The following TNPO3 variants were observed in gnomAD, a reference collection of about 807,000 sequenced individuals.
TNPO3 encodes the protein transportin 3, also known as transportin-3.
In TNPO3, 65 loss-of-function variants were observed where a neutral mutation model predicts 122.8. The observed-to-expected ratio is 0.53, with a 90% confidence interval of 0.43 to 0.65. The LOEUF is 0.65. Ranked by LOEUF, TNPO3 falls within the 30% of genes least tolerant of loss-of-function variation. The pLI is 0.00. For synonymous variants in TNPO3, 372 were observed against 411.2 expected, an observed-to-expected ratio of 0.90 and a Z score of 1.15; for missense variants, 850 against 1,136.7, an observed-to-expected ratio of 0.75 and a Z score of 3.63.
rs371706421 is a variant in TNPO3 at position 129,037,626 on chromosome 7, T to G, written c.120+17025A>C. Among the ~76,000 whole-genome samples, 5 of 152,194 alleles carry G rather than the reference T, an allele frequency of 3.3e-5. No homozygotes were observed. In the East Asian group the frequency reaches 9.6e-4, roughly 29 times the overall value. ...ACCACCTCCTTTGGTGGTGCAGTCC[T>G]GGAGGAGGGGAAGAGCCTCTGTTGC... On this transcript the variant is annotated intron_variant, in intron 1 of 22. Transcript: ENST00000265388.
chr7:129,028,353 A>C (rs1369843349), intron 1 of TNPO3, among the ~76,000 whole-genome samples: 2 of 152,200 alleles, frequency 1.3e-5, no homozygotes, highest in East Asian at 3.8e-4. Context: ...AATGCAGCAA[A>C]AACTGTGCTA....
intron 16 of TNPO3, among the ~76,000 whole-genome samples, chr7:128,977,178 G>A (rs1025401263): frequency 2.0e-5 from 3 of 152,050 alleles, no homozygotes; most frequent in African/African-American, 4.8e-5. Flanking sequence ...CACATGTACT[G>A]ACTCTAGAAC....
chr7:129,011,606 T>G (rs1272655735), intron 4 of TNPO3, among the ~76,000 whole-genome samples: 1 of 151,858 alleles, frequency 6.6e-6, no homozygotes, highest in African/African-American at 2.4e-5. Context: ...CCTCCCAAAG[T>G]GCTGGGATTA....
At chr7:129,014,487 C>T (rs1291405030) in intron 4 of TNPO3, among the ~76,000 whole-genome samples, 1 of 152,082 alleles carries the variant, frequency 6.6e-6, no homozygotes, top group Non-Finnish European at 1.5e-5. Flanking sequence ...CATGCCACTG[C>T]ACTACAGCCT....
At chr7:129,030,763 A>G (rs1345855068) in intron 1 of TNPO3, among the ~76,000 whole-genome samples, 2 of 152,162 alleles carry the variant, frequency 1.3e-5, no homozygotes, top group African/African-American at 2.4e-5. Flanking sequence ...TAGGTCACAC[A>G]TTATATATGT....
At chr7:129,031,322 G>T (rs1049367557) in intron 1 of TNPO3, among the ~76,000 whole-genome samples, 1 of 151,234 alleles carries the variant, frequency 6.6e-6, no homozygotes, top group Non-Finnish European at 1.5e-5. Flanking sequence ...AAGAAAGAAA[G>T]AAATAAGAGG....
intron 18 of TNPO3, among the ~76,000 whole-genome samples, chr7:128,974,254 A>T (rs1311100642): frequency 6.6e-6 from 1 of 151,132 alleles, no homozygotes; most frequent in African/African-American, 2.4e-5. Context: ...ATGATATAAC[A>T]GTTGGGCTTT....
chr7:128,964,333 C>CTTTTT (rs35667373), intron 21 of TNPO3, among the ~76,000 whole-genome samples: 11 of 120,662 alleles, frequency 9.1e-5, no homozygotes, highest in East Asian at 2.4e-4. Context: ...CCAAAACAAT[C>CTTTTT]TTTTTTTTTT....
At chr7:128,969,590 T>C (rs1798257101) in intron 20 of TNPO3, among the ~76,000 whole-genome samples, 1 of 152,218 alleles carries the variant, frequency 6.6e-6, no homozygotes. Flanking sequence ...TGTGGCCCAG[T>C]ACTGAAATTA....
chr7:128,989,027 A>G (rs908992610), intron 11 of TNPO3, among the ~76,000 whole-genome samples: 1 of 152,204 alleles, frequency 6.6e-6, no homozygotes, highest in Non-Finnish European at 1.5e-5. Context: ...CAGTGAGCTG[A>G]GATCAGGCCA....
intron 2 of TNPO3, among the ~76,000 whole-genome samples, 179 bp from the exon 3 acceptor site, chr7:129,017,235 C>T (rs1803953575): frequency 6.6e-6 from 1 of 151,924 alleles, no homozygotes; most frequent in East Asian, 1.9e-4. Flanking sequence ...TTTGGGTTAG[C>T]TACAAATTGC....
rs760128958 is a variant in TNPO3, at chr7:128,967,324, T to C, written c.2667A>G (p.Thr889=). ...AGTCTGTAAGTTGTTTGTGTGTCAC[T>C]GTGACGGCTCCCACGGTTGTTTCCT... ...LPKETTVGAV[T]VTHKQLTDFH... The change falls in exon 21 of 23, where the codon ACA becomes ACG. Residue 889 remains threonine, a synonymous_variant. Coordinates refer to ENST00000265388, the MANE Select transcript of TNPO3 (RefSeq NM_012470.4). 45 of 1,613,958 alleles carry C rather than the reference T, an allele frequency of 2.8e-5. No homozygotes were observed. The South Asian group carries it at 3.4e-4, about 12-fold the overall frequency.
chr7:128,969,324 T>A (rs902588620), intron 20 of TNPO3, among the ~76,000 whole-genome samples: 1 of 152,126 alleles, frequency 6.6e-6, no homozygotes, highest in Non-Finnish European at 1.5e-5. Context: ...TGCTACTCTA[T>A]CAGGTTGAAA....
intron 5 of TNPO3, among the ~76,000 whole-genome samples, chr7:129,003,213 G>A (rs1802185284): frequency 6.6e-6 from 1 of 151,190 alleles, no homozygotes; most frequent in East Asian, 1.9e-4. Context: ...ACAGAGGGAG[G>A]AGACTCTGTC....
intron 21 of TNPO3, among the ~76,000 whole-genome samples, chr7:128,960,644 G>A (rs1343915380): frequency 2.6e-5 from 4 of 151,646 alleles, no homozygotes; most frequent in Admixed American, 6.6e-5. Context: ...ATTTTTTAAT[G>A]AGCTGTACAA....
chr7:128,998,485 C>G (rs1169413423), intron 7 of TNPO3, among the ~76,000 whole-genome samples: 1 of 152,118 alleles, frequency 6.6e-6, no homozygotes, highest in African/African-American at 2.4e-5. Flanking sequence ...TCCTGAGTAG[C>G]TAGGAGGACT....
At chr7:128,976,935 TA>T (rs1439080705) in intron 16 of TNPO3, among the ~76,000 whole-genome samples, 3 of 152,338 alleles carry the variant, frequency 2.0e-5, no homozygotes, top group African/African-American at 7.2e-5. Context: ...AACATTTTCT[TA>T]AAGGGCTACT....
At chr7:129,025,393 A>C (rs1280609884) in intron 1 of TNPO3, among the ~76,000 whole-genome samples, 1 of 125,570 alleles carries the variant, frequency 8.0e-6, no homozygotes, top group Non-Finnish European at 1.6e-5. Flanking sequence ...AAAAAAAAAA[A>C]AAAACCAGCT....
intron 1 of TNPO3, among the ~76,000 whole-genome samples, chr7:129,025,447 T>C (rs996036671): frequency 8.4e-5 from 11 of 131,004 alleles, no homozygotes; most frequent in African/African-American, 3.2e-4. Flanking sequence ...AGCCACTAAG[T>C]ATAAAACCAT....
Sources: gnomAD v4.1 joint callset for allele counts (sites outside exome capture counted in the v4.1 genomes callset) on GRCh38, gnomAD v4.1.1 for gene constraint, MANE v1.5 for transcripts, NCBI Gene and HGNC (gene_info 2026-07-23, HGNC 2026-07-21) for gene names.